The following SERINC5 variants were observed in gnomAD, a reference collection of about 807,000 sequenced individuals.
SERINC5 encodes the protein chromosome 5 open reading frame 12.
Under a neutral mutation model 63.1 loss-of-function variants are expected in SERINC5, and 41 were observed. The ratio of observed to expected loss-of-function variants is 0.65; its 90% confidence interval spans 0.51 to 0.84. The LOEUF (loss-of-function observed/expected upper bound fraction) is 0.84, where lower values mean the gene tolerates loss of function less well. SERINC5 is among the 40% of genes least tolerant of loss of function. The pLI is 0.00. For synonymous variants in SERINC5, 222 were observed against 215.2 expected, an observed-to-expected ratio of 1.03 and a Z score of -0.28; for missense variants, 523 against 573.0, an observed-to-expected ratio of 0.91 and a Z score of 0.89.
At chr5:80,184,888 C>T (rs1748703825) in intron 2 of SERINC5, among the ~76,000 whole-genome samples, 2 of 151,860 alleles carry the variant, frequency 1.3e-5, no homozygotes, top group South Asian at 4.1e-4. Flanking sequence ...TATGTTGTTT[C>T]TTTTTTTTGA....
In SERINC5 at chr5:80,139,436, A is replaced by G. The variant is rs1745369364; in HGVS notation, c.*4227T>C. On this transcript the variant is annotated 3_prime_UTR_variant, in exon 12 of 12. Transcript: ENST00000507668. ...CATGTGAATATGATTAAACTCCTATAGAAGTGGATTGGGACATATGCATTC... is the reference window on the plus strand; with the variant it reads ...CATGTGAATATGATTAAACTCCTATGGAAGTGGATTGGGACATATGCATTC... 1 of 985,162 alleles carries G rather than the reference A, an allele frequency of 1.0e-6. No individual in the cohort carries two copies. Among genetic ancestry groups the G allele is most frequent in the Admixed American group, 6.1e-5 (1 of 16,264 alleles). The allele number at this position is 985,162 out of a possible 1,614,324, so 61.0% of individuals were successfully genotyped here. A position where few individuals can be genotyped will look rare whatever the true frequency, so the allele number is the denominator to read the frequency against.
chr5:80,211,067 T>C (rs907353556), intron 1 of SERINC5, among the ~76,000 whole-genome samples: 9 of 152,228 alleles, frequency 5.9e-5, no homozygotes, highest in Admixed American at 1.3e-4. Flanking sequence ...ATCCTTAGCA[T>C]CCATAACTTC....
At chr5:80,231,241 G>C (rs1751427810) in intron 1 of SERINC5, among the ~76,000 whole-genome samples, 1 of 152,226 alleles carries the variant, frequency 6.6e-6, no homozygotes, top group Admixed American at 6.5e-5. Flanking sequence ...TTATTGCTTA[G>C]TAAATGAAAA....
Position 80,150,940 on chromosome 5 carries a change from G to A in SERINC5, c.995C>T (p.Ser332Leu). The A allele has an allele frequency of 6.2e-7, 1 of 1,612,792 alleles. No homozygotes were observed. Among genetic ancestry groups the A allele is most frequent in the Non-Finnish European group, 8.5e-7 (1 of 1,178,830 alleles). Residue 332 changes from serine (S) to leucine (L), a missense_variant, in exon 9 of 12, where the codon TCA becomes TTA. Transcript: ENST00000507668. ...AGCGTCAGAACTCGATCTTGTTGTT[G>A]ATGTCAAACTAAGAAACAGACAAAA... ...IGCILYSCLT[S>L]TTRSSSDALQ...
intron 2 of SERINC5, among the ~76,000 whole-genome samples, chr5:80,191,264 A>G (rs1170193027): frequency 6.6e-6 from 1 of 151,916 alleles, no homozygotes; most frequent in Non-Finnish European, 1.5e-5. Context: ...CAGTCGTTCT[A>G]CTTCACATTC....
At chr5:80,162,922 TG>T in intron 7 of SERINC5, among the ~76,000 whole-genome samples, 1 of 151,888 alleles carries the variant, frequency 6.6e-6, no homozygotes, top group South Asian at 2.1e-4. Context: ...TCTTGGCTAG[TG>T]AGCCAAGATC....
At chr5:80,177,054 G>A (rs1176704488) in intron 4 of SERINC5, among the ~76,000 whole-genome samples, 1 of 152,156 alleles carries the variant, frequency 6.6e-6, no homozygotes, top group Non-Finnish European at 1.5e-5. Context: ...TGCAGTGCTT[G>A]GAAAGAACAA....
At chr5:80,203,541 G>A (rs1749990179) in intron 1 of SERINC5, among the ~76,000 whole-genome samples, 1 of 151,886 alleles carries the variant, frequency 6.6e-6, no homozygotes, top group Non-Finnish European at 1.5e-5. Context: ...GCCAGGCATG[G>A]TGGCACAAAC....
At chr5:80,233,962 C>A (rs4704649) in intron 1 of SERINC5, among the ~76,000 whole-genome samples, 49,746 of 151,138 alleles carry the variant, frequency 0.33, 8,462 homozygotes, top group African/African-American at 0.43. Context: ...CAGGTGCCCG[C>A]CACCATGCCC....
At chr5:80,132,266 C>T (rs565599251) in intron 11 of SERINC5, among the ~76,000 whole-genome samples, 6 of 152,238 alleles carry the variant, frequency 3.9e-5, no homozygotes, top group East Asian at 1.9e-4. Context: ...GGAGTAGGCA[C>T]GAGACCCCAC....
chr5:80,210,064 T>TAAA (rs1039304254), intron 1 of SERINC5, among the ~76,000 whole-genome samples: 1 of 151,302 alleles, frequency 6.6e-6, no homozygotes, highest in African/African-American at 2.4e-5. Context: ...AAAAAAGAAA[T>TAAA]AAAATAAAAG....
At chr5:80,185,049 G>C (rs560614922) in intron 2 of SERINC5, among the ~76,000 whole-genome samples, 1 of 152,132 alleles carries the variant, frequency 6.6e-6, no homozygotes, top group African/African-American at 2.4e-5. Context: ...GCTAATTTTT[G>C]TATTTTTAGT....
chr5:80,229,119 G>A (rs1050602588), intron 1 of SERINC5, among the ~76,000 whole-genome samples: 1 of 132,456 alleles, frequency 7.5e-6, no homozygotes, highest in African/African-American at 2.8e-5. Context: ...CACCTCCTGA[G>A]TTCAAGCGAT....
At chr5:80,219,232 C>G (rs963080524) in intron 1 of SERINC5, among the ~76,000 whole-genome samples, 1 of 152,174 alleles carries the variant, frequency 6.6e-6, no homozygotes, top group African/African-American at 2.4e-5. Flanking sequence ...GCCCTCACTC[C>G]TCTAGCCCAC....
chr5:80,191,381 A>G (rs944754970), intron 2 of SERINC5, among the ~76,000 whole-genome samples: 1 of 150,980 alleles, frequency 6.6e-6, no homozygotes, highest in Non-Finnish European at 1.5e-5. Context: ...GCTTACACCT[A>G]TAATCCCAGC....
At chr5:80,202,231 T>C (rs1246710054) in intron 2 of SERINC5, among the ~76,000 whole-genome samples, 1 of 151,448 alleles carries the variant, frequency 6.6e-6, no homozygotes, top group Non-Finnish European at 1.5e-5. Context: ...AGAGCAAAAC[T>C]CTGTCTCGAA....
At chr5:80,243,886 C>T (rs1353852138) in intron 1 of SERINC5, among the ~76,000 whole-genome samples, 2 of 151,832 alleles carry the variant, frequency 1.3e-5, no homozygotes, top group Admixed American at 6.6e-5. Flanking sequence ...TGATGAGATT[C>T]CACAAACTTT....
At chr5:80,191,428 A>G (rs149617286) in intron 2 of SERINC5, among the ~76,000 whole-genome samples, 2,029 of 147,602 alleles carry the variant, frequency 0.014, 45 homozygotes, top group African/African-American at 0.048. Context: ...CGTTGCTTTG[A>G]GCCTAGGAGT....
At chr5:80,198,466 A>G (rs1203547856) in intron 2 of SERINC5, 3 of 931,750 alleles carry the variant, frequency 3.2e-6, no homozygotes, top group Admixed American at 6.2e-5. Flanking sequence ...ATAACTGACA[A>G]GGGAGCTGCC....
Sources: allele counts gnomAD v4.1 joint callset (sites outside exome capture counted in the v4.1 genomes callset), GRCh38; gene constraint gnomAD v4.1.1; transcripts MANE v1.5; gene names NCBI Gene and HGNC (gene_info 2026-07-23, HGNC 2026-07-21).